MRM1: variants seen among roughly 807,000 people sequenced by gnomAD.
The protein encoded by MRM1 is mitochondrial rRNA methyltransferase 1, also known as rRNA methyltransferase 1, mitochondrial.
A neutral mutation model predicts 25.0 loss-of-function variants in MRM1; 24 were observed. The ratio of observed to expected loss-of-function variants is 0.96; its 90% CI spans 0.69 to 1.35. The LOEUF is 1.35. Among genes scored for constraint, MRM1 ranks in the 40% most tolerant of loss-of-function variants. The pLI, the probability that MRM1 is intolerant of heterozygous loss-of-function variation, is 0.00. For synonymous variants in MRM1, 188 were observed against 199.2 expected, an observed-to-expected ratio of 0.94 and a Z score of 0.47; for missense variants, 431 against 464.1, an observed-to-expected ratio of 0.93 and a Z score of 0.65.
At chr17:36,628,936 G>A in the MRM1 span, among the ~76,000 whole-genome samples, 4 of 151,928 alleles carry the variant, frequency 2.6e-5, no homozygotes, top group South Asian at 2.1e-4. Flanking sequence ...AGAGAGAGAG[G>A]AGAGTGAGTG....
At chr17:36,626,070 G>A in the MRM1 span, among the ~76,000 whole-genome samples, 260 of 151,884 alleles carry the variant, frequency 1.7e-3, no homozygotes, top group Non-Finnish European at 2.6e-3. Context: ...ACCAGAGGGC[G>A]ACAGACACTG....
At chr17:36,622,929 C>G in the MRM1 span, among the ~76,000 whole-genome samples, 1 of 152,222 alleles carries the variant, frequency 6.6e-6, no homozygotes, top group South Asian at 2.1e-4. Context: ...AGCCTCTTCC[C>G]TCTAGCCCAT....
chr17:36,625,437 T>C, the MRM1 span, among the ~76,000 whole-genome samples: 6 of 148,988 alleles, frequency 4.0e-5, no homozygotes, highest in Non-Finnish European at 8.9e-5. Context: ...CTCCTTCTCC[T>C]TTTCTTCTTC....
At chr17:36,628,920 GGAGA>G in the MRM1 span, among the ~76,000 whole-genome samples, 1 of 151,244 alleles carries the variant, frequency 6.6e-6, no homozygotes, top group African/African-American at 2.4e-5. Flanking sequence ...GATCAAGGAT[GGAGA>G]GAGAGAGAGA....
chr17:36,609,530 G>A (rs1051956112), downstream of MRM1, among the ~76,000 whole-genome samples: 4 of 152,156 alleles, frequency 2.6e-5, no homozygotes, highest in African/African-American at 9.7e-5. Context: ...CAGAATCCCC[G>A]ACCTATACGC....
chr17:36,624,769 G>T, the MRM1 span, among the ~76,000 whole-genome samples: 1 of 152,080 alleles, frequency 6.6e-6, no homozygotes, highest in African/African-American at 2.4e-5. The surrounding 1 kb of genome is among the most constrained non-coding windows in gnomAD (Gnocchi z 4.0). Context: ...CCCAGGTCTC[G>T]TTTTCCTTCT....
chr17:36,627,882 G>T, the MRM1 span, among the ~76,000 whole-genome samples: 1 of 151,924 alleles, frequency 6.6e-6, no homozygotes, highest in East Asian at 1.9e-4. Context: ...CGCCATGTTG[G>T]CCAGGCTGGT....
At chr17:36,634,528 T>G in the MRM1 span, 2 of 152,214 alleles carry the variant, frequency 1.3e-5, no homozygotes, top group South Asian at 4.1e-4. Flanking sequence ...TAACATCGAC[T>G]CACACGGTCA....
chr17:36,608,062 G>A (rs759951372), intron 4 of MRM1, 44 bp downstream of exon 4: 15 of 1,603,482 alleles, frequency 9.4e-6, no homozygotes, highest in Middle Eastern at 1.7e-4. Flanking sequence ...CTCTAATCAC[G>A]CAGGTGGGAT....
At chr17:36,614,430 A>G in the MRM1 span, among the ~76,000 whole-genome samples, 1 of 152,140 alleles carries the variant, frequency 6.6e-6, no homozygotes, top group African/African-American at 2.4e-5. Context: ...CGCTGACCAG[A>G]GGTTGTCACT....
At chr17:36,622,998 G>A in the MRM1 span, among the ~76,000 whole-genome samples, 9 of 152,230 alleles carry the variant, frequency 5.9e-5, no homozygotes, top group African/African-American at 1.9e-4. Flanking sequence ...CTGGGACACT[G>A]CCCCACGCCC....
chr17:36,625,462 C>CTTTTTTTTTTT, the MRM1 span, among the ~76,000 whole-genome samples: 92 of 101,994 alleles, frequency 9.0e-4, 6 homozygotes, highest in African/African-American at 3.4e-3. Context: ...CCTCCTCCTC[C>CTTTTTTTTTTT]TTTTTTTTTT....
chr17:36,624,085 C>A, the MRM1 span, among the ~76,000 whole-genome samples: 1 of 152,144 alleles, frequency 6.6e-6, no homozygotes, highest in Non-Finnish European at 1.5e-5. The surrounding 1 kb of genome is among the most constrained non-coding windows in gnomAD (Gnocchi z 4.0). Context: ...GTGGCCAGCA[C>A]CCTGGGCACC....
At chr17:36,627,054 G>C in the MRM1 span, among the ~76,000 whole-genome samples, 1 of 152,192 alleles carries the variant, frequency 6.6e-6, no homozygotes, top group African/African-American at 2.4e-5. Flanking sequence ...CTTCCTCACA[G>C]GGTTATTGTA....
At chr17:36,622,806 T>TGTTTGTC in the MRM1 span, among the ~76,000 whole-genome samples, 1 of 152,148 alleles carries the variant, frequency 6.6e-6, no homozygotes, top group African/African-American at 2.4e-5. Context: ...TGGGTCATGC[T>TGTTTGTC]CCTGGGGTAA....
At chr17:36,631,633 G>A in the MRM1 span, among the ~76,000 whole-genome samples, 5 of 152,216 alleles carry the variant, frequency 3.3e-5, no homozygotes, top group African/African-American at 9.7e-5. Context: ...TTTGCAGGCC[G>A]TCTGAGCTCA....
chr17:36,607,601 C>T (rs1241018839), intron 2 of MRM1, 69 bp from the exon 3 acceptor site: 31 of 1,523,202 alleles, frequency 2.0e-5, no homozygotes, highest in Non-Finnish European at 2.6e-5. Context: ...CCAGCCTGAG[C>T]GAGAGTAAGA....
At chr17:36,618,396 G>A in the MRM1 span, among the ~76,000 whole-genome samples, 2 of 152,154 alleles carry the variant, frequency 1.3e-5, no homozygotes, top group Admixed American at 6.6e-5. Flanking sequence ...AGCAGGGGAA[G>A]GGGACATAGA....
intron 2 of MRM1, among the ~76,000 whole-genome samples, chr17:36,604,239 C>G (rs1418333824): frequency 6.6e-6 from 1 of 152,244 alleles, no homozygotes; most frequent in Non-Finnish European, 1.5e-5. Flanking sequence ...AGCTCTTCCT[C>G]TCACACTGAA....
Sources: allele counts gnomAD v4.1 joint callset (sites outside exome capture counted in the v4.1 genomes callset), GRCh38; gene constraint gnomAD v4.1.1; non-coding constraint Gnocchi (gnomAD v3.1); transcripts MANE v1.5; gene names NCBI Gene and HGNC (gene_info 2026-07-23, HGNC 2026-07-21).